Variants in PCSK6 observed in about 807,000 individuals in gnomAD.
PCSK6 encodes proprotein convertase subtilisin/kexin type 6.
Under a neutral mutation model 123.3 loss-of-function variants are expected in PCSK6, and 85 were observed. That is an observed-to-expected ratio of 0.69 (90% CI 0.58 to 0.83). The LOEUF (loss-of-function observed/expected upper bound fraction) is 0.83. Ranked by LOEUF, PCSK6 falls within the 40% of genes least tolerant of loss-of-function variation. The pLI is 0.00. For missense variants in PCSK6, 1,191 were observed against 1,282.3 expected, an observed-to-expected ratio of 0.93 and a Z score of 1.09; for synonymous variants, 508 against 516.0, an observed-to-expected ratio of 0.98 and a Z score of 0.21.
Position 101,403,533 on chromosome 15 carries a change from T to C in PCSK6, c.824-4957A>G, listed in dbSNP as rs113996525. Among the ~76,000 whole-genome samples the C allele has an allele frequency of 2.6e-3, 401 of 152,216 alleles. 1 individual carries two copies. Among genetic ancestry groups the C allele is most frequent in the African/African-American group, 9.1e-3 (378 of 41,528 alleles). ...GACTTGATAAGCACAAAAGATTGTA[T>C]GTCACATACACGTTAGTTATAAAGC... On this transcript the variant is annotated intron_variant, in intron 6 of 21. Transcript: ENST00000611716.
chr15:101,463,777 A>G (rs2057392307), intron 1 of PCSK6, among the ~76,000 whole-genome samples: 1 of 152,160 alleles, frequency 6.6e-6, no homozygotes, highest in East Asian at 1.9e-4. Context: ...TGGGGTGCCC[A>G]CTGGGAGAAG....
chr15:101,355,729 A>G (rs1266088766), intron 13 of PCSK6, among the ~76,000 whole-genome samples: 3 of 152,222 alleles, frequency 2.0e-5, no homozygotes, highest in African/African-American at 4.8e-5. Context: ...CGGCATGCCC[A>G]TGGGGGCCCC....
chr15:101,466,996 C>T (rs984297646), intron 1 of PCSK6, among the ~76,000 whole-genome samples: 1 of 151,992 alleles, frequency 6.6e-6, no homozygotes, highest in Non-Finnish European at 1.5e-5. Flanking sequence ...TAGGTGCATC[C>T]TATGTGAATT....
intron 15 of PCSK6, among the ~76,000 whole-genome samples, chr15:101,330,420 AC>A (rs772555521): frequency 6.6e-6 from 1 of 152,094 alleles, no homozygotes; most frequent in Non-Finnish European, 1.5e-5. Flanking sequence ...GGCTCCGCAC[AC>A]CCCGTCTCAT....
chr15:101,328,803 C>T (rs1596189136), intron 15 of PCSK6, among the ~76,000 whole-genome samples: 1 of 152,164 alleles, frequency 6.6e-6, no homozygotes, highest in Non-Finnish European at 1.5e-5. Context: ...TGTAAACAAA[C>T]CTCCCCAGTA....
At chr15:101,394,705 A>T (rs1210391041) in intron 7 of PCSK6, among the ~76,000 whole-genome samples, 1 of 152,198 alleles carries the variant, frequency 6.6e-6, no homozygotes, top group East Asian at 1.9e-4. Flanking sequence ...TGCTGACCAA[A>T]CATGTCACAC....
chr15:101,319,203 T>G (rs779565944), intron 18 of PCSK6, among the ~76,000 whole-genome samples: 1 of 152,212 alleles, frequency 6.6e-6, no homozygotes, highest in Non-Finnish European at 1.5e-5. Flanking sequence ...AACATTTCAG[T>G]GTCTGGCACA....
chr15:101,455,099 C>T lies in PCSK6; in HGVS notation c.298-11439G>A, dbSNP rs772186139. Among the ~76,000 whole-genome samples, 19 of 152,338 alleles carry T rather than the reference C, an allele frequency of 1.2e-4. 2 individuals are homozygous for T. The highest frequency in any genetic ancestry group is 8.3e-4 in the South Asian group (4 of 4,828). Reference sequence around the variant, plus strand: ...AAAATACTAAATGCCCCAAACTATACACTTACAAACAGGTAAGATGATATA... The same window carrying T: ...AAAATACTAAATGCCCCAAACTATATACTTACAAACAGGTAAGATGATATA... On this transcript the variant is annotated intron_variant, in intron 1 of 21. Transcript: ENST00000611716.
intron 6 of PCSK6, among the ~76,000 whole-genome samples, chr15:101,418,925 T>C (rs2055985889): frequency 6.6e-6 from 1 of 152,252 alleles, no homozygotes; most frequent in South Asian, 2.1e-4. Context: ...CATCCATTCC[T>C]GATTAAATCT....
intron 20 of PCSK6, 24 bp downstream of exon 20, chr15:101,313,352 C>T (rs757413367): frequency 1.2e-5 from 19 of 1,612,526 alleles, no homozygotes; most frequent in African/African-American, 1.1e-4. Context: ...AGCTGCCTGC[C>T]GTTCCCCGCC....
chr15:101,429,869 C>T (rs1483545379), intron 5 of PCSK6, 118 bp downstream of exon 5: 1 of 848,832 alleles, frequency 1.2e-6, no homozygotes, highest in Non-Finnish European at 1.9e-6. Flanking sequence ...CTGCCTCGCG[C>T]CCAGGCAGGG....
chr15:101,327,385 C>G (rs1485900167), intron 15 of PCSK6, among the ~76,000 whole-genome samples: 1 of 152,164 alleles, frequency 6.6e-6, no homozygotes, highest in African/African-American at 2.4e-5. Context: ...TGCAGGGGTC[C>G]TCCCCACGCT....
intron 6 of PCSK6, among the ~76,000 whole-genome samples, chr15:101,399,754 C>G (rs1412187320): frequency 6.6e-6 from 1 of 152,088 alleles, no homozygotes; most frequent in South Asian, 2.1e-4. Context: ...CTCTGGGGCT[C>G]AGAGAATCTT....
At chr15:101,321,796 T>A (rs2040129127) in intron 18 of PCSK6, among the ~76,000 whole-genome samples, 1 of 151,526 alleles carries the variant, frequency 6.6e-6, no homozygotes, top group Non-Finnish European at 1.5e-5. Flanking sequence ...AGAACCTGCA[T>A]CTGGACATGA....
At chr15:101,363,874 G>A (rs866972241) in intron 13 of PCSK6, among the ~76,000 whole-genome samples, 3 of 151,506 alleles carry the variant, frequency 2.0e-5, no homozygotes, top group South Asian at 2.1e-4. Flanking sequence ...TCCTGACTTC[G>A]TGATCCACCC....
chr15:101,488,572 T>C (rs1338332462), intron 1 of PCSK6, among the ~76,000 whole-genome samples: 2 of 152,142 alleles, frequency 1.3e-5, no homozygotes, highest in Admixed American at 1.3e-4. Context: ...GCATTAGATC[T>C]TTCCGACAAC....
chr15:101,443,727 C>T (rs2056817248), intron 1 of PCSK6, 67 bp from the exon 2 acceptor site: 1 of 1,113,652 alleles, frequency 9.0e-7, no homozygotes, highest in East Asian at 2.3e-5. Context: ...ATCTTCCACC[C>T]CACAAGAATC....
chr15:101,351,280 C>T (rs557351660), intron 13 of PCSK6, among the ~76,000 whole-genome samples: 9 of 152,220 alleles, frequency 5.9e-5, no homozygotes, highest in Non-Finnish European at 8.8e-5. Context: ...ATTAATACTG[C>T]AGGTATAACT....
Position 101,480,349 on chromosome 15 carries a change from G to T in PCSK6, c.297+9025C>A, listed in dbSNP as rs966209740. On this transcript the variant is annotated intron_variant, in intron 1 of 21. Coordinates refer to ENST00000611716, the MANE Select transcript of PCSK6 (RefSeq NM_002570.5). ...GGCTGGGCAGAGCCACAGGTCGGGC[G>T]TGGCTGCGGGGCCCTGTGGAGCGCA... Among the ~76,000 whole-genome samples, 109 of 152,390 alleles carry T rather than the reference G, an allele frequency of 7.2e-4. 1 individual carries two copies. Among genetic ancestry groups the T allele is most frequent in the Middle Eastern group, 3.4e-3 (1 of 294 alleles).
Sources: allele counts gnomAD v4.1 joint callset (sites outside exome capture counted in the v4.1 genomes callset), GRCh38; gene constraint gnomAD v4.1.1; transcripts MANE v1.5; gene names NCBI Gene and HGNC (gene_info 2026-07-23, HGNC 2026-07-21).